The following PRDM16 variants were observed in gnomAD, a reference collection of about 807,000 sequenced individuals.
PRDM16 encodes histone-lysine N-methyltransferase PRDM16.
Under a neutral mutation model 110.6 loss-of-function variants are expected in PRDM16, and 23 were observed. The ratio of observed to expected loss-of-function variants is 0.21; its 90% CI spans 0.15 to 0.29. The LOEUF is 0.29. Ranked by LOEUF, PRDM16 falls within the 10% of genes least tolerant of loss-of-function variation. The pLI is 1.00. For synonymous variants in PRDM16, 799 were observed against 781.8 expected (o/e 1.02, Z -0.37); for missense variants, 1,615 against 1,794.3 (o/e 0.90, Z 1.81).
intron 2 of PRDM16, among the ~76,000 whole-genome samples, chr1:3,234,289 T>C (rs1639488998): frequency 6.6e-6 from 1 of 151,634 alleles, no homozygotes; most frequent in Non-Finnish European, 1.5e-5. Flanking sequence ...CTTTCAGAGC[T>C]CAAATCCAGA....
intron 1 of PRDM16, among the ~76,000 whole-genome samples, chr1:3,127,684 C>A (rs989586402): frequency 2.6e-5 from 4 of 152,148 alleles, no homozygotes; most frequent in African/African-American, 9.6e-5. Flanking sequence ...TTGAGAGGGA[C>A]CCCCCTGGGC....
rs1643948821 is a variant in PRDM16, at chr1:3,165,824, C to CCAGGG, written c.38-20300_38-20299insAGGGC. ...ACCAGGGCTCAGGCACAGGGACTCA[C>CCAGGG]CTGGGCTCAGGGACAGGGACTCACC... is the stretch of plus-strand genomic sequence containing the variant. On this transcript the variant is annotated intron_variant, in intron 1 of 16. Coordinates refer to ENST00000270722, the MANE Select transcript of PRDM16 (RefSeq NM_022114.4). Among the ~76,000 whole-genome samples, 2 of 85,744 alleles carry CCAGGG rather than the reference C, an allele frequency of 2.3e-5. 1 individual carries two copies. Among genetic ancestry groups the CCAGGG allele is most frequent in the African/African-American group, 1.6e-4 (2 of 12,306 alleles). 56.3% of individuals were successfully genotyped at this position (85,744 alleles called of 152,430 possible). A position where few individuals can be genotyped will look rare whatever the true frequency, so the allele number is the denominator to read the frequency against.
chr1:3,153,672 A>C (rs1430826032), intron 1 of PRDM16, among the ~76,000 whole-genome samples: 4 of 152,368 alleles, frequency 2.6e-5, no homozygotes, highest in African/African-American at 9.6e-5. Flanking sequence ...GTTTGGATCA[A>C]AAAATAATTA....
chr1:3,154,757 G>A (rs1299954344), intron 1 of PRDM16, among the ~76,000 whole-genome samples: 2 of 152,212 alleles, frequency 1.3e-5, no homozygotes, highest in African/African-American at 2.4e-5. Context: ...CCCCCAGGCC[G>A]TTCTCACTCC....
intron 1 of PRDM16, among the ~76,000 whole-genome samples, chr1:3,112,402 G>T (rs1014589731): frequency 1.3e-5 from 2 of 152,240 alleles, no homozygotes; most frequent in African/African-American, 4.8e-5. Flanking sequence ...CTAGTCATAA[G>T]CATTATCTTG....
In PRDM16 at chr1:3,411,473, A is replaced by C. The variant is rs1643684735; in HGVS notation, c.1276A>C (p.Lys426Gln). 3 of 1,614,212 alleles carry C rather than the reference A, an allele frequency of 1.9e-6. No homozygotes were observed. The highest frequency in any genetic ancestry group is 2.5e-6 in the Non-Finnish European group (3 of 1,180,042). ...CGACTGCCGCACGCAGATCAAGTGC[A>C]AGGACTGTGGCCAGATGTTCAGCAC... ...HADCRTQIKC[K>Q]DCGQMFSTTS... Residue 426 changes from lysine (K) to glutamine (Q), a missense_variant, in exon 9 of 17, where the codon AAG (lysine) becomes CAG (glutamine). This residue lies in a region of PRDM16 where 82 missense variants were observed against 144.4 expected (regional missense o/e 0.57). Transcript: ENST00000270722.
At chr1:3,333,648 G>A (rs920647654) in intron 3 of PRDM16, among the ~76,000 whole-genome samples, 19 of 107,342 alleles carry the variant, frequency 1.8e-4, no homozygotes, top group African/African-American at 1.6e-3. Context: ...CACAGATGTG[G>A]TGGTGGGGTT....
intron 2 of PRDM16, among the ~76,000 whole-genome samples, chr1:3,219,786 C>T (rs921951345): frequency 9.2e-5 from 14 of 152,182 alleles, no homozygotes; most frequent in Non-Finnish European, 1.6e-4. Context: ...CCTGCTTCAC[C>T]GACTTCGGGA....
intron 1 of PRDM16, among the ~76,000 whole-genome samples, chr1:3,074,231 GCAC>G (rs2100548484): frequency 1.3e-5 from 2 of 152,322 alleles, no homozygotes; most frequent in African/African-American, 4.8e-5. Flanking sequence ...AGGCGAGCAG[GCAC>G]CACTTTTGAG....
At chr1:3,120,794 G>C (rs1332452776) in intron 1 of PRDM16, among the ~76,000 whole-genome samples, 1 of 152,184 alleles carries the variant, frequency 6.6e-6, no homozygotes, top group Non-Finnish European at 1.5e-5. Flanking sequence ...TGGCAGGGCC[G>C]AGCCCTGGCC....
chr1:3,148,745 C>T lies in PRDM16; in HGVS notation c.38-37380C>T, dbSNP rs931609497. 1.3e-5 allele frequency among the ~76,000 whole-genome samples: 2 copies of T among 152,214 alleles called. No homozygotes were observed. The highest frequency in any genetic ancestry group is 1.3e-4 in the Admixed American group (2 of 15,278). ...GGTGAATCTGGGCACTGCCTGGGAC[C>T]ATGGGGGGACCACAATATCTCTCTA... On this transcript the variant is annotated intron_variant, in intron 1 of 16. Coordinates refer to ENST00000270722, the MANE Select transcript of PRDM16 (RefSeq NM_022114.4). The surrounding 1 kb of genome is among the most constrained non-coding windows in gnomAD (Gnocchi z 5.0).
At chr1:3,164,372 G>A (rs547543378) in intron 1 of PRDM16, among the ~76,000 whole-genome samples, 3 of 152,352 alleles carry the variant, frequency 2.0e-5, no homozygotes, top group South Asian at 4.1e-4. Flanking sequence ...GATGTCAGCC[G>A]TGACGTTGGG....
At chr1:3,231,226 A>T (rs1639401284) in intron 2 of PRDM16, among the ~76,000 whole-genome samples, 1 of 152,152 alleles carries the variant, frequency 6.6e-6, no homozygotes, top group Admixed American at 6.5e-5. Context: ...CATCACCCTT[A>T]CTAGGTTAAT....
intron 3 of PRDM16, among the ~76,000 whole-genome samples, chr1:3,295,510 T>C (rs866491144): frequency 6.6e-6 from 1 of 152,132 alleles, no homozygotes; most frequent in Middle Eastern, 3.4e-3. Flanking sequence ...AGAGTGTCCT[T>C]CAATGCAGGT....
At chr1:3,248,469 A>G (rs1639845394) in intron 3 of PRDM16, among the ~76,000 whole-genome samples, 1 of 152,176 alleles carries the variant, frequency 6.6e-6, no homozygotes, top group Non-Finnish European at 1.5e-5. Flanking sequence ...TACATCGTGA[A>G]TTCGCATGGG....
At chr1:3,237,658 A>G (rs111700494) in intron 2 of PRDM16, among the ~76,000 whole-genome samples, 11 of 152,292 alleles carry the variant, frequency 7.2e-5, no homozygotes, top group South Asian at 4.1e-4. Context: ...TGCCCATTCA[A>G]TCATCTCACA....
intron 3 of PRDM16, among the ~76,000 whole-genome samples, chr1:3,249,041 G>A (rs894969654): frequency 3.3e-5 from 5 of 152,224 alleles, no homozygotes; most frequent in South Asian, 2.1e-4. Flanking sequence ...CTGGGACCTC[G>A]CTGGGACTCC....
At chr1:3,202,602 G>A (rs955456175) in intron 2 of PRDM16, among the ~76,000 whole-genome samples, 3 of 152,162 alleles carry the variant, frequency 2.0e-5, no homozygotes, top group East Asian at 1.9e-4. Context: ...GGTGTGTGCC[G>A]TCTAAAGGTG....
At chr1:3,100,018 G>A (rs889078784) in intron 1 of PRDM16, among the ~76,000 whole-genome samples, 1 of 152,166 alleles carries the variant, frequency 6.6e-6, no homozygotes, top group Non-Finnish European at 1.5e-5. Flanking sequence ...GGGTGAGGGA[G>A]CCGTAGAGGA....
Sources: allele counts gnomAD v4.1 joint callset (sites outside exome capture counted in the v4.1 genomes callset), GRCh38; gene constraint gnomAD v4.1.1; regional missense constraint gnomAD v4.1.1; non-coding constraint Gnocchi (gnomAD v3.1); transcripts MANE v1.5; gene names NCBI Gene and HGNC (gene_info 2026-07-23, HGNC 2026-07-21).